The following EXOC6 variants were observed in gnomAD, a reference collection of about 807,000 sequenced individuals.
EXOC6 encodes the protein exocyst complex component 6, also known as SEC15-like 1.
EXOC6 carries 60 observed loss-of-function variants against 112.5 expected under a neutral mutation model. The observed-to-expected ratio is 0.53, with a 90% CI of 0.43 to 0.66. The LOEUF (loss-of-function observed/expected upper bound fraction) is 0.66, where lower values mean the gene tolerates loss of function less well. EXOC6 is among the 30% of genes least tolerant of loss of function. The pLI, the probability that EXOC6 is intolerant of heterozygous loss-of-function variation, is 0.00. For missense variants in EXOC6, 855 were observed against 957.1 expected, an observed-to-expected ratio of 0.89 and a Z score of 1.41; for synonymous variants, 295 against 308.0, an observed-to-expected ratio of 0.96 and a Z score of 0.44.
intron 6 of EXOC6, among the ~76,000 whole-genome samples, chr10:92,911,456 T>G (rs902714589): frequency 6.6e-6 from 1 of 152,262 alleles, no homozygotes; most frequent in African/African-American, 2.4e-5. Flanking sequence ...AACAGTAGTT[T>G]AAAGTTCATA....
At chr10:92,836,172 C>T (rs1221957751) in intron 1 of EXOC6, among the ~76,000 whole-genome samples, 1 of 152,186 alleles carries the variant, frequency 6.6e-6, no homozygotes, top group East Asian at 1.9e-4. Context: ...TGCTTCAGAG[C>T]CCTTGGCCTT....
intron 20 of EXOC6, among the ~76,000 whole-genome samples, chr10:93,025,618 A>G (rs575976123): frequency 1.3e-5 from 2 of 152,208 alleles, no homozygotes; most frequent in Non-Finnish European, 2.9e-5. Context: ...TATTTCAAGT[A>G]TTTTAATTTT....
Position 92,974,270 on chromosome 10 carries a change from C to T in EXOC6, c.1953+38C>T. 2.2e-6 allele frequency: 3 copies of T among 1,388,190 alleles called. No homozygotes were observed. The South Asian group carries it at 4.4e-5, about 21-fold the overall frequency. 86.0% of individuals were successfully genotyped at this position (1,388,190 alleles called of 1,614,324 possible). ...ATTTTCAAAAATTGTTTTATGTTTGCTTACTAAAGTATATTTTAGAATTTA... is the reference window on the plus strand; with the variant it reads ...ATTTTCAAAAATTGTTTTATGTTTGTTTACTAAAGTATATTTTAGAATTTA... On this transcript the variant is annotated intron_variant, in intron 18 of 21. Transcript: ENST00000260762.
intron 15 of EXOC6, 76 bp from the exon 16 acceptor site, chr10:92,954,554 G>A (rs1445256568): frequency 1.5e-6 from 1 of 659,846 alleles, no homozygotes; most frequent in African/African-American, 1.9e-5. Flanking sequence ...TTAGTAAACT[G>A]TGTTAAATTA....
intron 1 of EXOC6, among the ~76,000 whole-genome samples, chr10:92,849,136 A>G (rs1847199279): frequency 6.6e-6 from 1 of 151,966 alleles, no homozygotes; most frequent in Non-Finnish European, 1.5e-5. Context: ...ATTGAAATTG[A>G]GCGGGAGACG....
chr10:92,859,157 G>A (rs887689121), intron 1 of EXOC6, among the ~76,000 whole-genome samples: 10 of 152,040 alleles, frequency 6.6e-5, no homozygotes, highest in African/African-American at 2.4e-4. Context: ...AAAACTGGAC[G>A]ATTTAGATAA....
intron 20 of EXOC6, among the ~76,000 whole-genome samples, chr10:93,046,530 A>T (rs1846006484): frequency 6.6e-6 from 1 of 152,168 alleles, no homozygotes; most frequent in East Asian, 1.9e-4. Context: ...CTGAGTGAAG[A>T]AGGAGGGAAA....
intron 1 of EXOC6, among the ~76,000 whole-genome samples, chr10:92,857,071 C>T (rs1847637558): frequency 6.6e-6 from 1 of 151,292 alleles, no homozygotes; most frequent in Non-Finnish European, 1.5e-5. Flanking sequence ...AGAACCTATG[C>T]CTTTTGATTG....
intron 19 of EXOC6, among the ~76,000 whole-genome samples, chr10:93,011,839 C>T (rs1304663638): frequency 1.3e-5 from 2 of 151,910 alleles, no homozygotes; most frequent in Non-Finnish European, 2.9e-5. Context: ...GAAAGTATAC[C>T]ACTTATTGTC....
intron 1 of EXOC6, among the ~76,000 whole-genome samples, chr10:92,866,789 A>G (rs1191751137): frequency 3.3e-5 from 5 of 152,138 alleles, no homozygotes; most frequent in African/African-American, 1.2e-4. Flanking sequence ...ATTGTATCTT[A>G]TTTAGGTGAC....
intron 9 of EXOC6, among the ~76,000 whole-genome samples, chr10:92,930,160 G>T (rs1851948101): frequency 6.6e-6 from 1 of 152,100 alleles, no homozygotes; most frequent in African/African-American, 2.4e-5. Flanking sequence ...TGTGCACATG[G>T]AAGATTCACC....
rs188579710 is a variant in EXOC6 at position 92,888,781 on chromosome 10, G to T, written c.102-4568G>T. On this transcript the variant is annotated intron_variant, in intron 1 of 21. Transcript: ENST00000260762. ...AAAAATTTGTTTATAGCACACCAAG[G>T]TCAGTTAAGATAAACTTCTTGCACA... Among the ~76,000 whole-genome samples, 91 of 152,186 alleles carry T rather than the reference G, an allele frequency of 6.0e-4. No individual in the cohort carries two copies. In the East Asian group the frequency reaches 0.016, roughly 27 times the overall value.
At position 93,011,656 on chromosome 10, in the gene EXOC6, C is replaced by G. The variant is rs901610865; in HGVS notation, c.2096-2538C>G. ...GGCCAACATAAAATAATGTATTTTA[C>G]TATGTAATATAAAAGGTATAATTTT... is the stretch of plus-strand genomic sequence containing the variant. On this transcript the variant is annotated intron_variant, in intron 19 of 21. Coordinates refer to ENST00000260762, the MANE Select transcript of EXOC6 (RefSeq NM_019053.6). Among the ~76,000 whole-genome samples the G allele has an allele frequency of 5.2e-4, 79 of 151,962 alleles. 2 individuals carry two copies. Among genetic ancestry groups the G allele is most frequent in the Admixed American group, 5.2e-3 (79 of 15,252 alleles).
rs534507710 is a variant in EXOC6, at chr10:92,924,105, C to T, written c.888+4055C>T. Among the ~76,000 whole-genome samples, 9 of 152,186 alleles carry T rather than the reference C, an allele frequency of 5.9e-5. No homozygotes were observed. In the South Asian group the frequency reaches 1.7e-3, roughly 28 times the overall value. On this transcript the variant is annotated intron_variant, in intron 8 of 21. Transcript: ENST00000260762. Reference sequence around the variant, plus strand: ...GGAGTAATGACATAGGTAGGAATAACGATAGTTTCCTTTTAATGACCTGTT... The same window carrying T: ...GGAGTAATGACATAGGTAGGAATAATGATAGTTTCCTTTTAATGACCTGTT...
Position 93,058,480 on chromosome 10 carries a change from G to T in EXOC6, c.*125G>T. ...AAATACAATAGAGAAGATACATGAG[G>T]GCTTAAACAAGAAATAGTAATAAAT... On this transcript the variant is annotated 3_prime_UTR_variant, in exon 22 of 22. Transcript: ENST00000260762. The T allele has an allele frequency of 1.6e-6, 1 of 627,736 alleles. No homozygotes were observed. Among genetic ancestry groups the T allele is most frequent in the Non-Finnish European group, 2.4e-6 (1 of 408,964 alleles). 38.9% of individuals were successfully genotyped at this position (627,736 alleles called of 1,614,324 possible).
At position 92,896,059 on chromosome 10, in the gene EXOC6, GTA is replaced by G. The variant is rs71028855; in HGVS notation, c.412+1047_412+1048del. Among the ~76,000 whole-genome samples, 9 of 64,222 alleles carry G rather than the reference GTA, an allele frequency of 1.4e-4. 1 individual carries two copies. Among genetic ancestry groups the G allele is most frequent in the African/African-American group, 2.5e-4 (3 of 11,908 alleles). 42.1% of individuals were successfully genotyped at this position (64,222 alleles called of 152,430 possible). The stretch of plus-strand genomic sequence containing the variant: ...TGTATATATATGTGTATATATATGT[GTA>G]TATATATGTGTATATATATGTGTAT... On this transcript the variant is annotated intron_variant, in intron 4 of 21. Coordinates refer to ENST00000260762, the MANE Select transcript of EXOC6 (RefSeq NM_019053.6).
chr10:93,012,046 A>G (rs942333990), intron 19 of EXOC6, among the ~76,000 whole-genome samples: 2 of 152,222 alleles, frequency 1.3e-5, no homozygotes, highest in African/African-American at 4.8e-5. Context: ...AGAACCAAGA[A>G]CAAAGGGGGA....
intron 1 of EXOC6, among the ~76,000 whole-genome samples, chr10:92,861,423 GGTT>G (rs751252405): frequency 3.9e-5 from 6 of 152,152 alleles, no homozygotes; most frequent in Non-Finnish European, 5.9e-5. Flanking sequence ...CAATATCCAT[GGTT>G]GTTATTACTG....
chr10:92,966,686 CATT>C (rs1244671719), intron 17 of EXOC6, among the ~76,000 whole-genome samples: 6 of 147,164 alleles, frequency 4.1e-5, no homozygotes, highest in African/African-American at 5.0e-5. Context: ...TCCAGTCTAT[CATT>C]GTTGGACATT....
Sources: allele counts gnomAD v4.1 joint callset (sites outside exome capture counted in the v4.1 genomes callset), GRCh38; gene constraint gnomAD v4.1.1; transcripts MANE v1.5; gene names NCBI Gene and HGNC (gene_info 2026-07-23, HGNC 2026-07-21).